TTC29: variants seen among roughly 807,000 people sequenced by gnomAD.
TTC29 encodes the protein tetratricopeptide repeat protein 29.
Under a neutral mutation model 58.1 loss-of-function variants are expected in TTC29, and 49 were observed. That is an observed-to-expected ratio of 0.84 (90% CI 0.67 to 1.07). The LOEUF (loss-of-function observed/expected upper bound fraction) is 1.07. Among genes scored for constraint, TTC29 ranks in the 50% least tolerant of loss-of-function variants. The probability of loss-of-function intolerance (pLI) is 0.00; values close to 1 mark genes in which losing one functional copy is unlikely to be tolerated. For synonymous variants in TTC29, 209 were observed against 196.8 expected, an observed-to-expected ratio of 1.06 and a Z score of -0.52; for missense variants, 582 against 555.6, an observed-to-expected ratio of 1.05 and a Z score of -0.48.
At chr4:146,913,715 T>C (rs1163980685) in intron 4 of TTC29, among the ~76,000 whole-genome samples, 1 of 152,218 alleles carries the variant, frequency 6.6e-6, no homozygotes, top group African/African-American at 2.4e-5. Context: ...CTGATCTGGG[T>C]TCTCCTCTAA....
chr4:146,723,904 T>G (rs1579526201), intron 11 of TTC29, among the ~76,000 whole-genome samples: 1 of 152,188 alleles, frequency 6.6e-6, no homozygotes. Flanking sequence ...TATAAATTGT[T>G]GTACCAAAAG....
At chr4:146,765,827 T>G (rs530763285) in intron 11 of TTC29, among the ~76,000 whole-genome samples, 1 of 152,068 alleles carries the variant, frequency 6.6e-6, no homozygotes, top group Non-Finnish European at 1.5e-5. Context: ...AGGAACTTGG[T>G]CTGGGAGTGC....
chr4:146,895,520 ATCT>A (rs139432979), intron 6 of TTC29, among the ~76,000 whole-genome samples: 11,561 of 152,078 alleles, frequency 0.076, 1,479 homozygotes, highest in African/African-American at 0.26. Flanking sequence ...CTTTACTTTC[ATCT>A]TCTCTGGACT....
intron 11 of TTC29, among the ~76,000 whole-genome samples, chr4:146,762,605 A>G (rs545739071): frequency 6.6e-6 from 1 of 152,050 alleles, no homozygotes; most frequent in African/African-American, 2.4e-5. Flanking sequence ...GCTTTGAAAC[A>G]TCTGGATTTA....
At chr4:146,784,288 T>C (rs943605281) in intron 11 of TTC29, among the ~76,000 whole-genome samples, 1 of 151,934 alleles carries the variant, frequency 6.6e-6, no homozygotes, top group African/African-American at 2.4e-5. Flanking sequence ...GTGACAAAAA[T>C]TTAAAAAAAA....
intron 11 of TTC29, among the ~76,000 whole-genome samples, chr4:146,710,358 CCA>C (rs1272248359): frequency 6.6e-6 from 1 of 152,108 alleles, no homozygotes; most frequent in Non-Finnish European, 1.5e-5. Flanking sequence ...ATGCATTGCA[CCA>C]CAGTGTTATG....
chr4:146,720,948 G>C (rs1461386913), intron 11 of TTC29, among the ~76,000 whole-genome samples: 1 of 152,100 alleles, frequency 6.6e-6, no homozygotes, highest in East Asian at 1.9e-4. Flanking sequence ...TGTGGGATAG[G>C]TGCTTGGGTG....
At chr4:146,752,188 C>G (rs1465106823) in intron 11 of TTC29, among the ~76,000 whole-genome samples, 1 of 151,670 alleles carries the variant, frequency 6.6e-6, no homozygotes, top group Admixed American at 6.6e-5. Context: ...AGCCCAAAAT[C>G]TCCCTAAGCT....
intron 6 of TTC29, among the ~76,000 whole-genome samples, chr4:146,875,762 G>T (rs1030186554): frequency 6.6e-6 from 1 of 152,112 alleles, no homozygotes; most frequent in African/African-American, 2.4e-5. Context: ...GTAACTAACT[G>T]CCTTTTTGGA....
At chr4:146,902,045 A>C (rs1733184943) in intron 6 of TTC29, among the ~76,000 whole-genome samples, 1 of 152,180 alleles carries the variant, frequency 6.6e-6, no homozygotes, top group African/African-American at 2.4e-5. Flanking sequence ...CTTTTCTGGG[A>C]TACTATAGAT....
intron 4 of TTC29, among the ~76,000 whole-genome samples, chr4:146,935,310 G>A (rs1735703206): frequency 6.6e-6 from 1 of 152,124 alleles, no homozygotes; most frequent in Admixed American, 6.6e-5. Context: ...TGTGTACTAT[G>A]GGATATCAAA....
intron 10 of TTC29, among the ~76,000 whole-genome samples, chr4:146,814,218 A>C (rs1294949893): frequency 1.3e-5 from 2 of 152,148 alleles, no homozygotes; most frequent in Non-Finnish European, 2.9e-5. Flanking sequence ...TTAAACAACA[A>C]TAATAAGAAA....
At position 146,833,858 on chromosome 4, in the gene TTC29, C is replaced by T. The variant is rs1223385696; in HGVS notation, c.925G>A (p.Asp309Asn). 1 of 1,613,244 alleles carries T rather than the reference C, an allele frequency of 6.2e-7. No homozygotes were observed. The highest frequency in any genetic ancestry group is 1.3e-5 in the African/African-American group (1 of 75,024). ...TAGCCTCTCCCCAGACTGAGATCAT[C>T]ATCCAGGTCTGTGGAGATTTTACAG... ...TYCKISTDLD[D>N]DLSLGRGYEA... The change falls in exon 9 of 13, where the codon GAT (aspartate) becomes AAT (asparagine). Residue 309 changes from aspartate to asparagine, a missense_variant. Asp to Asn is a conservative substitution (Grantham distance 23). Coordinates refer to ENST00000325106, the MANE Select transcript of TTC29 (RefSeq NM_031956.4).
At chr4:146,924,813 G>T (rs1734819476) in intron 4 of TTC29, among the ~76,000 whole-genome samples, 1 of 151,462 alleles carries the variant, frequency 6.6e-6, no homozygotes, top group South Asian at 2.1e-4. Flanking sequence ...AATTAATTTT[G>T]GATATTTATA....
intron 10 of TTC29, among the ~76,000 whole-genome samples, chr4:146,818,345 A>G (rs2150137481): frequency 6.6e-6 from 1 of 152,390 alleles, no homozygotes; most frequent in Admixed American, 6.5e-5. Flanking sequence ...GCTCATCATC[A>G]CTGGCCATCA....
At chr4:146,850,703 A>G (rs1377277646) in intron 8 of TTC29, among the ~76,000 whole-genome samples, 2 of 152,226 alleles carry the variant, frequency 1.3e-5, no homozygotes, top group African/African-American at 4.8e-5. Flanking sequence ...CCTATGTAAC[A>G]TATTACAAAA....
At chr4:146,857,196 A>G (rs1191498424) in intron 8 of TTC29, among the ~76,000 whole-genome samples, 1 of 152,032 alleles carries the variant, frequency 6.6e-6, no homozygotes, top group African/African-American at 2.4e-5. Flanking sequence ...TTTGCACATC[A>G]GACACTGAAT....
chr4:146,794,887 A>C (rs934227971), intron 11 of TTC29, among the ~76,000 whole-genome samples: 2 of 152,106 alleles, frequency 1.3e-5, no homozygotes, highest in Admixed American at 6.6e-5. Context: ...AATTCAGAGA[A>C]ATCAGACTTA....
At chr4:146,820,593 A>G (rs879766289) in intron 9 of TTC29, among the ~76,000 whole-genome samples, 2 of 152,236 alleles carry the variant, frequency 1.3e-5, no homozygotes, top group Non-Finnish European at 2.9e-5. Context: ...AAAATATGTC[A>G]ACACAAAAAG....
Sources: gnomAD v4.1 joint callset for allele counts (sites outside exome capture counted in the v4.1 genomes callset) on GRCh38, gnomAD v4.1.1 for gene constraint, MANE v1.5 for transcripts, NCBI Gene and HGNC (gene_info 2026-07-23, HGNC 2026-07-21) for gene names.